PROX2: variants seen among roughly 807,000 people sequenced by gnomAD.
PROX2 encodes prospero homeobox 2.
In PROX2, 46 loss-of-function variants were observed where a neutral mutation model predicts 48.9. That is an observed-to-expected ratio of 0.94 (90% CI 0.74 to 1.20). The LOEUF (loss-of-function observed/expected upper bound fraction) is 1.20, where lower values mean the gene tolerates loss of function less well. Ranked by LOEUF, PROX2 falls within the 50% of genes most tolerant of loss-of-function variation. The pLI is 0.00. For synonymous variants in PROX2, 260 were observed against 276.6 expected (o/e 0.94, Z 0.60); for missense variants, 663 against 719.4 (o/e 0.92, Z 0.90).
Position 74,854,337 on chromosome 14 carries a change from C to A in PROX2, c.*795G>T. 2.5e-6 allele frequency: 1 copy of A among 404,662 alleles called. No homozygotes were observed. The highest frequency in any genetic ancestry group is 2.6e-5 in the Admixed American group (1 of 38,408). The allele number at this position is 404,662 out of a possible 1,614,324, so 25.1% of individuals were successfully genotyped here. A position where few individuals can be genotyped will look rare whatever the true frequency, so the allele number is the denominator to read the frequency against. On this transcript the variant is annotated 3_prime_UTR_variant, in exon 6 of 6. Transcript: ENST00000556489. ...TGAAATGATCAGCAGAAATCTTGGG[C>A]GGTGAAGTGCTCCTAAGTGCTGGGC...
chr14:74,853,316 A>AT lies in PROX2; in HGVS notation c.*1815dup, dbSNP rs2091718589. 6.6e-6 allele frequency: 1 copy of AT among 152,188 alleles called. No individual in the cohort carries two copies. The highest frequency in any genetic ancestry group is 1.5e-5 in the Non-Finnish European group (1 of 68,040). 9.4% of individuals were successfully genotyped at this position (152,188 alleles called of 1,614,324 possible). On this transcript the variant is annotated 3_prime_UTR_variant, in exon 6 of 6. Transcript: ENST00000556489. ...ACTTAGGTATGTAATGTCACTCTGG[A>AT]TAGAGGGTTCTTCTACTATGTCCGG...
chr14:74,861,341 T>A (rs1296254630), intron 3 of PROX2: 2 of 689,770 alleles, frequency 2.9e-6, no homozygotes, highest in Non-Finnish European at 4.7e-6. Context: ...ACTTAAGTTC[T>A]GCAAGATGCT....
intron 1 of PROX2, among the ~76,000 whole-genome samples, chr14:74,875,290 G>A (rs768200903): frequency 3.9e-5 from 6 of 152,160 alleles, no homozygotes; most frequent in African/African-American, 9.7e-5. Context: ...AAAACCAAGG[G>A]AAATGTCACA....
At position 74,863,296 on chromosome 14, in the gene PROX2, C is replaced by T. The variant is rs2091813838; in HGVS notation, c.539G>A (p.Gly180Asp). Residue 180 changes from glycine (G) to aspartate (D), a missense_variant, in exon 3 of 6, where the codon GGC becomes GAC. By Grantham distance (94) the Gly-to-Asp change is moderately conservative. Transcript: ENST00000556489. ...KGPLSAKQGN[G>D]CGPRPWVVDG... is the part of the protein sequence containing the mutation. ...CACAACCCAGGGGCGAGGCCCACAG[C>T]CATTCCCCTGCTTTGCACTCAGAGG... is the stretch of plus-strand genomic sequence containing the variant. The T allele has an allele frequency of 1.2e-6, 2 of 1,614,036 alleles. No individual in the cohort carries two copies. The highest frequency in any genetic ancestry group is 1.7e-6 in the Non-Finnish European group (2 of 1,179,886).
chr14:74,863,198 T>A lies in PROX2; in HGVS notation c.637A>T (p.Ser213Cys), dbSNP rs1375424673. 1.9e-6 allele frequency: 3 copies of A among 1,614,050 alleles called. No individual in the cohort carries two copies. The highest frequency in any genetic ancestry group is 1.1e-5 in the South Asian group (1 of 91,090). The change falls in exon 3 of 6, where the codon AGT becomes TGT. Residue 213 changes from serine to cysteine, a missense_variant. Ser to Cys is a moderately radical substitution (Grantham distance 112). Coordinates refer to ENST00000556489, the MANE Select transcript of PROX2 (RefSeq NM_001243007.2). Reference sequence around the variant, plus strand: ...GCTGGTGCTCCAGAAGGAAGGAAACTGGGCTTCTCAGACTCTTGGTGTTTT... The same window carrying A: ...GCTGGTGCTCCAGAAGGAAGGAAACAGGGCTTCTCAGACTCTTGGTGTTTT... ...AEKHQESEKP[S>C]FLPSGAPASL...
intron 2 of PROX2, among the ~76,000 whole-genome samples, chr14:74,870,118 A>G (rs986642658): frequency 5.3e-5 from 8 of 152,038 alleles, no homozygotes; most frequent in African/African-American, 1.2e-4. Flanking sequence ...AGAAAATTAG[A>G]TATTAAAAAT....
rs1025200049 is a variant in PROX2, at chr14:74,856,936, A to G, written c.1473T>C (p.Tyr491=). 27 of 1,613,902 alleles carry G rather than the reference A, an allele frequency of 1.7e-5. No homozygotes were observed. Among genetic ancestry groups the G allele is most frequent in the African/African-American group, 4.0e-5 (3 of 74,924 alleles). ...IKWFSNFREF[Y]YIQMEKSARQ... The stretch of plus-strand genomic sequence containing the variant: ...GGGCAGATTTTTCCATTTGGATGTA[A>G]TAAAACTCACGAAAGTTGCTGAACC... Residue 491 remains tyrosine (Y), a synonymous_variant, in exon 5 of 6, where the codon TAT becomes TAC. Coordinates refer to ENST00000556489, the MANE Select transcript of PROX2 (RefSeq NM_001243007.2).
chr14:74,858,728 T>G, intron 3 of PROX2: 1 of 524,210 alleles, frequency 1.9e-6, no homozygotes, highest in Non-Finnish European at 3.4e-6. Context: ...ATCATCTCGA[T>G]GTGGAAAAGT....
At chr14:74,871,642 C>A (rs994587646) in intron 1 of PROX2, among the ~76,000 whole-genome samples, 2 of 152,076 alleles carry the variant, frequency 1.3e-5, no homozygotes, top group African/African-American at 4.8e-5. Context: ...GATGTGGTGG[C>A]ACCTGTCTGT....
chr14:74,853,763 C>T lies in PROX2; in HGVS notation c.*1369G>A, dbSNP rs1199058039. On this transcript the variant is annotated 3_prime_UTR_variant, in exon 6 of 6. Transcript: ENST00000556489. ...CTACAAAGCCCGAGCTGTGTATTAC[C>T]CCCACCCCACCCCACCCGGCGTACC... The T allele has an allele frequency of 6.6e-6, 1 of 151,978 alleles. No individual in the cohort carries two copies. The highest frequency in any genetic ancestry group is 2.4e-5 in the African/African-American group (1 of 41,302). The allele number at this position is 151,978 out of a possible 1,614,324, so 9.4% of individuals were successfully genotyped here.
Position 74,863,522 on chromosome 14 carries a change from TC to T in PROX2, c.312del (p.Lys105SerfsTer11). 1 of 1,613,552 alleles carries T rather than the reference TC, an allele frequency of 6.2e-7. No individual in the cohort carries two copies. Among genetic ancestry groups the T allele is most frequent in the East Asian group, 2.2e-5 (1 of 44,866 alleles). ...CCTTGCGGTGTGGGAAGGTTCTGCT[TC>T]CTCTTCCTCTCTCGGGCCTTCTTTG... is the stretch of plus-strand genomic sequence containing the variant. ...RCPKKARERK[R>X]KQNLPTPQGL... On this transcript the variant is annotated frameshift_variant, in exon 3 of 6. Transcript: ENST00000556489. LOFTEE classifies it high-confidence loss of function.
Position 74,862,638 on chromosome 14 carries a change from C to T in PROX2, c.1197G>A (p.Leu399=). 6.2e-7 allele frequency: 1 copy of T among 1,614,026 alleles called. No homozygotes were observed. ...PLVLSQQQCP[L]PFTSAHLESL... ...TTTCCAGATGGGCAGAGGTGAAAGG[C>T]AAGGGACACTGCTGCTGGCTCAGGA... The change falls in exon 3 of 6, where the codon TTG becomes TTA. Residue 399 remains leucine (L), a synonymous_variant. Transcript: ENST00000556489.
chr14:74,865,340 G>A (rs1883027198), intron 2 of PROX2: 1 of 152,172 alleles, frequency 6.6e-6, no homozygotes, highest in Non-Finnish European at 1.5e-5. Flanking sequence ...AGTCTAGCAG[G>A]GAAAGCAGAG....
intron 1 of PROX2, among the ~76,000 whole-genome samples, chr14:74,873,175 G>A (rs569826082): frequency 1.3e-5 from 2 of 152,104 alleles, no homozygotes; most frequent in African/African-American, 4.8e-5. Context: ...AGTAGAGGCG[G>A]GGTTTCACCA....
At chr14:74,865,440 G>C (rs1468535729) in intron 2 of PROX2, 1 of 152,306 alleles carries the variant, frequency 6.6e-6, no homozygotes, top group Non-Finnish European at 1.5e-5. Flanking sequence ...AGCGGTTGGG[G>C]AGAAGGAGGG....
intron 2 of PROX2, among the ~76,000 whole-genome samples, chr14:74,865,636 C>T (rs1184984541): frequency 2.7e-5 from 4 of 150,500 alleles, no homozygotes; most frequent in African/African-American, 9.8e-5. Context: ...GGTCACCATC[C>T]TGGCTAACAT....
chr14:74,868,286 T>G (rs906497894), intron 2 of PROX2, among the ~76,000 whole-genome samples: 7 of 140,936 alleles, frequency 5.0e-5, no homozygotes, highest in Admixed American at 3.0e-4. Flanking sequence ...TTTCTCCATG[T>G]ACAGAGAAGT....
chr14:74,855,544 A>G (rs868588284), intron 5 of PROX2: 3 of 364,776 alleles, frequency 8.2e-6, no homozygotes, highest in Middle Eastern at 6.9e-4. Flanking sequence ...CTTCCTTTGT[A>G]GGAGGAGCTG....
In PROX2 at chr14:74,876,104, G is replaced by C. The variant is rs1883338627; in HGVS notation, c.-519C>G. On this transcript the variant is annotated 5_prime_UTR_variant, in exon 1 of 6. Transcript: ENST00000556489. Reference sequence around the variant, plus strand: ...GGCTCTGGCCCCTTCTTAGCACAAGGCACTGTCTGACAGACCCAGTCTTGC... The same window carrying C: ...GGCTCTGGCCCCTTCTTAGCACAAGCCACTGTCTGACAGACCCAGTCTTGC... Among the ~76,000 whole-genome samples the C allele has an allele frequency of 6.6e-6, 1 of 152,260 alleles. No individual in the cohort carries two copies. The highest frequency in any genetic ancestry group is 1.5e-5 in the Non-Finnish European group (1 of 68,048).
Sources: gnomAD v4.1 joint callset for allele counts (sites outside exome capture counted in the v4.1 genomes callset) on GRCh38, gnomAD v4.1.1 for gene constraint, MANE v1.5 for transcripts, NCBI Gene and HGNC (gene_info 2026-07-23, HGNC 2026-07-21) for gene names.